Variants in SGCG observed in about 807,000 individuals in gnomAD.
SGCG encodes gamma-sarcoglycan.
In SGCG, 26 loss-of-function variants were observed where a neutral mutation model predicts 29.3. The ratio of observed to expected loss-of-function variants is 0.89; its 90% CI spans 0.65 to 1.23. The LOEUF is 1.23. SGCG is among the 50% of genes most tolerant of loss of function. SGCG has a pLI of 0.00. For missense variants in SGCG, 353 were observed against 356.0 expected (o/e 0.99, Z 0.07); for synonymous variants, 145 against 129.7 (o/e 1.12, Z -0.80).
the SGCG span, among the ~76,000 whole-genome samples, chr13:23,167,403 T>A: frequency 6.6e-6 from 1 of 152,216 alleles, no homozygotes; most frequent in South Asian, 2.1e-4. Context: ...ACTGATTTCC[T>A]TTCTTAGGGG....
intron 4 of SGCG, chr13:23,268,690 G>A (rs9507062): frequency 0.41 from 61,990 of 152,292 alleles, 14,684 homozygotes; most frequent in Middle Eastern, 0.65. Flanking sequence ...GAGGTGCCCA[G>A]CATGCCTGTG....
intron 4 of SGCG, among the ~76,000 whole-genome samples, chr13:23,273,176 G>A (rs1174292937): frequency 7.5e-6 from 1 of 133,614 alleles, no homozygotes; most frequent in Non-Finnish European, 1.7e-5. Flanking sequence ...TTTGAATTAC[G>A]AACTTAGTTC....
At chr13:23,310,554 A>G (rs1205469030) in intron 6 of SGCG, among the ~76,000 whole-genome samples, 1 of 151,968 alleles carries the variant, frequency 6.6e-6, no homozygotes, top group African/African-American at 2.4e-5. Flanking sequence ...TCTATGTTTC[A>G]AATTTTTTGG....
In SGCG at chr13:23,206,164, T is replaced by C. The variant is rs187443214; in HGVS notation, c.195+2275T>C. Among the ~76,000 whole-genome samples, 508 of 152,380 alleles carry C rather than the reference T, an allele frequency of 3.3e-3. 2 individuals carry two copies. Among genetic ancestry groups the C allele is most frequent in the African/African-American group, 0.012 (479 of 41,592 alleles). ...TTCATGTTTTATTTATTTTAAATTT[T>C]ATTTCAAGAACAATTAACACAAGAT... is the stretch of plus-strand genomic sequence containing the variant. On this transcript the variant is annotated intron_variant, in intron 2 of 7. Transcript: ENST00000218867.
chr13:23,307,083 A>G (rs1882387763), intron 6 of SGCG, among the ~76,000 whole-genome samples: 1 of 152,238 alleles, frequency 6.6e-6, no homozygotes, highest in Non-Finnish European at 1.5e-5. Flanking sequence ...CTTAACAAAC[A>G]GAAGCTTCTA....
chr13:23,218,763 C>A (rs1372451965), intron 2 of SGCG, among the ~76,000 whole-genome samples: 1 of 151,704 alleles, frequency 6.6e-6, no homozygotes, highest in Non-Finnish European at 1.5e-5. Flanking sequence ...ACAAATAGAC[C>A]AAGGCATTTG....
the SGCG span, among the ~76,000 whole-genome samples, chr13:23,174,073 AAAGTGTCAGAC>A: frequency 2.0e-5 from 3 of 152,182 alleles, no homozygotes; most frequent in African/African-American, 7.2e-5. Flanking sequence ...TCAGACACCA[AAAGTGTCAGAC>A]AATCTGCTTC....
chr13:23,321,327 A>C (rs1883034076), intron 7 of SGCG, among the ~76,000 whole-genome samples: 1 of 152,202 alleles, frequency 6.6e-6, no homozygotes, highest in Non-Finnish European at 1.5e-5. Context: ...TGGAAGCCTA[A>C]AACCACAGAG....
chr13:23,277,984 C>T (rs971916380), intron 4 of SGCG, among the ~76,000 whole-genome samples: 2 of 151,990 alleles, frequency 1.3e-5, no homozygotes, highest in Non-Finnish European at 2.9e-5. Flanking sequence ...AGGCGTGAGC[C>T]ACCGCGCCCA....
At chr13:23,205,608 T>C (rs1877955583) in intron 2 of SGCG, among the ~76,000 whole-genome samples, 1 of 152,186 alleles carries the variant, frequency 6.6e-6, no homozygotes, top group Admixed American at 6.5e-5. Context: ...CTTTATACTC[T>C]TGTCATGTAG....
rs1318873287 is a variant in SGCG at position 23,325,126 on chromosome 13, A to G, written c.*585A>G. 1.3e-5 allele frequency: 2 copies of G among 158,856 alleles called. No individual in the cohort carries two copies. Among genetic ancestry groups the G allele is most frequent in the Non-Finnish European group, 2.8e-5 (2 of 71,438 alleles). 9.8% of individuals were successfully genotyped at this position (158,856 alleles called of 1,614,324 possible). ...AATCACTCAAAATTAAACTTTCTGT[A>G]TATAGTCAATAAGCAATAAAAACCT... is the stretch of plus-strand genomic sequence containing the variant. On this transcript the variant is annotated 3_prime_UTR_variant, in exon 8 of 8. Transcript: ENST00000218867.
At chr13:23,306,129 G>T (rs1415148757) in intron 6 of SGCG, among the ~76,000 whole-genome samples, 2 of 152,084 alleles carry the variant, frequency 1.3e-5, no homozygotes, top group Non-Finnish European at 2.9e-5. Context: ...CTCCCAAAGT[G>T]CTGGGATTAC....
intron 6 of SGCG, among the ~76,000 whole-genome samples, chr13:23,307,800 GA>G (rs1882413627): frequency 6.6e-6 from 1 of 151,998 alleles, no homozygotes; most frequent in Non-Finnish European, 1.5e-5. Flanking sequence ...AAATCATAAA[GA>G]ATATCATAAA....
chr13:23,169,817 A>G, the SGCG span: 1 of 152,178 alleles, frequency 6.6e-6, no homozygotes, highest in Non-Finnish European at 1.5e-5. Flanking sequence ...GCAAATGATC[A>G]AACACCAACT....
At chr13:23,160,548 G>A in the SGCG span, among the ~76,000 whole-genome samples, 1 of 152,156 alleles carries the variant, frequency 6.6e-6, no homozygotes, top group Non-Finnish European at 1.5e-5. Flanking sequence ...CGGAGCAGAG[G>A]CCCGCGCTGT....
chr13:23,237,365 C>G (rs1246117999), intron 3 of SGCG, among the ~76,000 whole-genome samples: 1 of 152,164 alleles, frequency 6.6e-6, no homozygotes, highest in Non-Finnish European at 1.5e-5. Context: ...TTGAAATGAT[C>G]ATCTGTGAAG....
intron 6 of SGCG, among the ~76,000 whole-genome samples, chr13:23,316,494 TTTTA>T (rs1882817008): frequency 6.6e-6 from 1 of 152,198 alleles, no homozygotes; most frequent in Admixed American, 6.5e-5. Flanking sequence ...TGGAATGTTC[TTTTA>T]AAGTCACAAT....
intron 4 of SGCG, among the ~76,000 whole-genome samples, chr13:23,273,200 T>TC (rs1880933644): frequency 7.2e-6 from 1 of 138,256 alleles, no homozygotes. Context: ...TTTTTTTTTT[T>TC]CTAAACAGAA....
intron 2 of SGCG, among the ~76,000 whole-genome samples, chr13:23,210,922 A>G (rs1298887942): frequency 7.0e-6 from 1 of 142,588 alleles, no homozygotes; most frequent in Non-Finnish European, 1.5e-5. Context: ...TCCTTGAACC[A>G]TGTCCGAAAA....
Sources: gnomAD v4.1 joint callset for allele counts (sites outside exome capture counted in the v4.1 genomes callset) on GRCh38, gnomAD v4.1.1 for gene constraint, MANE v1.5 for transcripts, NCBI Gene and HGNC (gene_info 2026-07-23, HGNC 2026-07-21) for gene names.